SPINK4: variants seen among roughly 807,000 people sequenced by gnomAD.
The protein encoded by SPINK4 is serine protease inhibitor Kazal-type 4.
Under a neutral mutation model 12.3 loss-of-function variants are expected in SPINK4, and 10 were observed. That is an observed-to-expected ratio of 0.81 (90% CI 0.50 to 1.37). The LOEUF (loss-of-function observed/expected upper bound fraction) is 1.37. SPINK4 is among the 40% of genes most tolerant of loss of function. The pLI, the probability that SPINK4 is intolerant of heterozygous loss-of-function variation, is 0.00. For missense variants in SPINK4, 91 were observed against 109.0 expected (o/e 0.84, Z 0.73); for synonymous variants, 37 against 40.2 (o/e 0.92, Z 0.30).
chr9:33,245,032 T>A, intron 1 of SPINK4, 80 bp from the exon 2 acceptor site: 1 of 1,446,988 alleles, frequency 6.9e-7, no homozygotes, highest in Non-Finnish European at 9.4e-7. Flanking sequence ...CCAAGCTCCC[T>A]GAAGCAGAAG....
At chr9:33,243,101 T>G (rs1820254118) in intron 1 of SPINK4, among the ~76,000 whole-genome samples, 1 of 151,892 alleles carries the variant, frequency 6.6e-6, no homozygotes, top group South Asian at 2.1e-4. Flanking sequence ...TGAGACGGAG[T>G]TTTGCTCTGT....
At chr9:33,246,216 C>T (rs1318952770) in intron 2 of SPINK4, among the ~76,000 whole-genome samples, 2 of 149,786 alleles carry the variant, frequency 1.3e-5, no homozygotes, top group African/African-American at 2.5e-5. Flanking sequence ...ATGGGTGGTT[C>T]CGTATCCTGG....
At position 33,242,201 on chromosome 9, in the gene SPINK4, A is replaced by G. The variant is rs114669789; in HGVS notation, c.61+1932A>G. ...TTCCTGAACACCCACAGTGTAGGAC[A>G]TTGAACCAAGTGCTGCGCAAAGGCA... On this transcript the variant is annotated intron_variant, in intron 1 of 3. Transcript: ENST00000379721. 6.8e-3 allele frequency among the ~76,000 whole-genome samples: 1,037 copies of G among 152,344 alleles called. 8 individuals are homozygous for G. Among genetic ancestry groups the G allele is most frequent in the African/African-American group, 0.024 (987 of 41,590 alleles).
intron 1 of SPINK4, among the ~76,000 whole-genome samples, chr9:33,243,602 T>C (rs933051929): frequency 1.3e-5 from 2 of 152,246 alleles, no homozygotes; most frequent in African/African-American, 4.8e-5. Context: ...AGCCACGTTA[T>C]TGCATGTATC....
At chr9:33,241,582 G>A (rs1431432172) in intron 1 of SPINK4, among the ~76,000 whole-genome samples, 9 of 152,242 alleles carry the variant, frequency 5.9e-5, no homozygotes, top group Admixed American at 5.2e-4. Context: ...GACCTGTTCA[G>A]GAGCAGCCTG....
chr9:33,240,186 G>C lies in SPINK4; in HGVS notation c.-23G>C. Reference sequence around the variant, plus strand: ...TCAGGCGCAGGCCCCAGCCAGCTCAGGCTACACTATCCCAGGATCAGCATG... The same window carrying C: ...TCAGGCGCAGGCCCCAGCCAGCTCACGCTACACTATCCCAGGATCAGCATG... On this transcript the variant is annotated 5_prime_UTR_variant, in exon 1 of 4. Transcript: ENST00000379721. 6.3e-7 allele frequency: 1 copy of C among 1,594,434 alleles called. No individual in the cohort carries two copies. The highest frequency in any genetic ancestry group is 8.5e-7 in the Non-Finnish European group (1 of 1,171,126).
chr9:33,240,482 T>C (rs1216290732), intron 1 of SPINK4, among the ~76,000 whole-genome samples: 1 of 152,124 alleles, frequency 6.6e-6, no homozygotes, highest in African/African-American at 2.4e-5. Context: ...ATTACCAAAG[T>C]CCCCTACCCT....
In SPINK4 at chr9:33,245,166, G is replaced by C; in HGVS notation, c.102+14G>C. ...TTCTCAAGAATGGTAAGGCAGCTGC[G>C]TGTTGTTCTCACCTTCTCTCTGCTG... On this transcript the variant is annotated intron_variant, in intron 2 of 3. Coordinates refer to ENST00000379721, the MANE Select transcript of SPINK4 (RefSeq NM_014471.3). 1 of 1,612,698 alleles carries C rather than the reference G, an allele frequency of 6.2e-7. No homozygotes were observed. Among genetic ancestry groups the C allele is most frequent in the Non-Finnish European group, 8.5e-7 (1 of 1,179,416 alleles).
intron 1 of SPINK4, 120 bp from the exon 2 acceptor site, chr9:33,244,992 T>G: frequency 1.1e-6 from 1 of 898,584 alleles, no homozygotes; most frequent in Non-Finnish European, 1.7e-6. Flanking sequence ...CACCTTTCCT[T>G]GAGGAATTCC....
intron 1 of SPINK4, among the ~76,000 whole-genome samples, chr9:33,241,777 G>A (rs1415297040): frequency 6.6e-6 from 1 of 152,116 alleles, no homozygotes; most frequent in Non-Finnish European, 1.5e-5. Context: ...GCAGCCTGGG[G>A]GTAAATGTAG....
intron 2 of SPINK4, among the ~76,000 whole-genome samples, chr9:33,245,911 T>C (rs1381151767): frequency 6.6e-6 from 1 of 152,244 alleles, no homozygotes; most frequent in Non-Finnish European, 1.5e-5. Flanking sequence ...ATTAAGGTTA[T>C]ACAGCTAATC....
intron 1 of SPINK4, among the ~76,000 whole-genome samples, chr9:33,241,436 C>T (rs908117148): frequency 2.0e-5 from 3 of 152,132 alleles, no homozygotes; most frequent in African/African-American, 7.2e-5. Context: ...CAGTTAGGAC[C>T]CGCCTGGACA....
At chr9:33,246,521 C>A (rs146831042) in intron 2 of SPINK4, 95 bp from the exon 3 acceptor site, 2 of 987,794 alleles carry the variant, frequency 2.0e-6, no homozygotes, top group African/African-American at 1.6e-5. Context: ...GACTCTGATA[C>A]CTCACTGGGG....
chr9:33,243,767 A>C (rs1820261369), intron 1 of SPINK4, among the ~76,000 whole-genome samples: 2 of 152,080 alleles, frequency 1.3e-5, no homozygotes, highest in Non-Finnish European at 2.9e-5. Context: ...TTGATACCCC[A>C]ATGCCAGGCT....
At chr9:33,244,950 C>T (rs980829435) in intron 1 of SPINK4, among the ~76,000 whole-genome samples, 162 bp from the exon 2 acceptor site, 1 of 152,158 alleles carries the variant, frequency 6.6e-6, no homozygotes, top group Non-Finnish European at 1.5e-5. Context: ...ATCACATCAG[C>T]TTTCTGGCAG....
chr9:33,244,130 A>G (rs1334246933), intron 1 of SPINK4, among the ~76,000 whole-genome samples: 3 of 151,980 alleles, frequency 2.0e-5, no homozygotes, highest in Admixed American at 6.6e-5. Flanking sequence ...CCTTCCTTCC[A>G]CCTGTGCCAT....
chr9:33,247,517 A>G (rs542872593), intron 3 of SPINK4, among the ~76,000 whole-genome samples: 5 of 152,276 alleles, frequency 3.3e-5, no homozygotes, highest in African/African-American at 9.6e-5. Flanking sequence ...AATAAGTAGA[A>G]ATTAGCTAGG....
rs139340648 is a variant in SPINK4, at chr9:33,245,554, C to T, written c.102+402C>T. ...CCTGTGGAGTGTGCCAGCCTCCCAC[C>T]ACCACATTCCATCTGATTGTCTAAA... is the stretch of plus-strand genomic sequence containing the variant. On this transcript the variant is annotated intron_variant, in intron 2 of 3. Coordinates refer to ENST00000379721, the MANE Select transcript of SPINK4 (RefSeq NM_014471.3). Among the ~76,000 whole-genome samples the T allele has an allele frequency of 9.9e-3, 1,514 of 152,312 alleles. 17 individuals carry two copies. The highest frequency in any genetic ancestry group is 0.016 in the Admixed American group (238 of 15,298).
chr9:33,241,683 G>C (rs1169098400), intron 1 of SPINK4, among the ~76,000 whole-genome samples: 6 of 151,290 alleles, frequency 4.0e-5, no homozygotes, highest in Non-Finnish European at 7.4e-5. Context: ...GTTTTTGTTT[G>C]TTTGTTTTTG....
Sources: allele counts gnomAD v4.1 joint callset (sites outside exome capture counted in the v4.1 genomes callset), GRCh38; gene constraint gnomAD v4.1.1; transcripts MANE v1.5; gene names NCBI Gene and HGNC (gene_info 2026-07-23, HGNC 2026-07-21).